The following AK8 variants were observed in gnomAD, a reference collection of about 807,000 sequenced individuals.
AK8 encodes the protein adenylate kinase 8, also known as ATP-AMP transphosphorylase 8.
AK8 carries 44 observed loss-of-function variants against 54.6 expected under a neutral mutation model. The ratio of observed to expected loss-of-function variants is 0.81; its 90% confidence interval spans 0.63 to 1.04. AK8 has a LOEUF of 1.04. Ranked by LOEUF, AK8 falls within the 50% of genes least tolerant of loss-of-function variation. The pLI is 0.00. For missense variants in AK8, 555 were observed against 613.6 expected (o/e 0.90, Z 1.01); for synonymous variants, 239 against 245.6 (o/e 0.97, Z 0.25).
intron 10 of AK8, among the ~76,000 whole-genome samples, chr9:132,813,445 G>A (rs992102823): frequency 1.3e-5 from 2 of 152,212 alleles, no homozygotes; most frequent in Non-Finnish European, 1.5e-5. Flanking sequence ...CTTCCACCAG[G>A]AGGATTCCTA....
At chr9:132,776,617 C>G (rs951838872) in intron 11 of AK8, among the ~76,000 whole-genome samples, 1 of 152,202 alleles carries the variant, frequency 6.6e-6, no homozygotes, top group African/African-American at 2.4e-5. Context: ...GGGGCCGCCA[C>G]GCTGCAGGAT....
intron 11 of AK8, among the ~76,000 whole-genome samples, chr9:132,765,538 G>A (rs922802103): frequency 1.3e-5 from 2 of 151,984 alleles, no homozygotes; most frequent in Admixed American, 6.6e-5. Context: ...CCAGCTACTC[G>A]GGAGGCTGAG....
chr9:132,733,356 C>T (rs1323895378), intron 11 of AK8, among the ~76,000 whole-genome samples: 1 of 152,218 alleles, frequency 6.6e-6, no homozygotes, highest in Non-Finnish European at 1.5e-5. Flanking sequence ...ACGGCAACAC[C>T]AAAACACGGC....
chr9:132,841,104 T>C (rs1842524222), intron 5 of AK8, among the ~76,000 whole-genome samples: 1 of 152,222 alleles, frequency 6.6e-6, no homozygotes, highest in African/African-American at 2.4e-5. Flanking sequence ...AGACAGCTGT[T>C]ACTTCAGAGC....
intron 9 of AK8, among the ~76,000 whole-genome samples, chr9:132,821,733 G>A (rs193259214): frequency 6.1e-5 from 8 of 131,350 alleles, no homozygotes; most frequent in Non-Finnish European, 1.2e-4. Context: ...ATACATATAT[G>A]TATATTTGTA....
At chr9:132,810,170 G>T (rs1341911531) in intron 10 of AK8, among the ~76,000 whole-genome samples, 1 of 152,216 alleles carries the variant, frequency 6.6e-6, no homozygotes, top group Non-Finnish European at 1.5e-5. Context: ...TATTGCTTCC[G>T]TTAGGGAGAT....
intron 9 of AK8, among the ~76,000 whole-genome samples, chr9:132,819,209 T>G (rs1229523271): frequency 6.6e-6 from 1 of 152,234 alleles, no homozygotes; most frequent in East Asian, 1.9e-4. Flanking sequence ...TGTAGTCTTT[T>G]TTCCTTGTCA....
upstream of AK8, chr9:132,878,569 C>T: frequency 1.8e-6 from 2 of 1,138,014 alleles, no homozygotes; most frequent in Non-Finnish European, 2.2e-6. The surrounding 1 kb of genome is among the most constrained non-coding windows in gnomAD (Gnocchi z 4.7). Flanking sequence ...GCAAGTCGGC[C>T]CTCCGAGGGG....
intron 11 of AK8, among the ~76,000 whole-genome samples, chr9:132,731,378 T>C (rs1836838130): frequency 6.6e-6 from 1 of 152,084 alleles, no homozygotes; most frequent in South Asian, 2.1e-4. Context: ...AGGATTCTTT[T>C]GGGCGTGTCT....
intron 11 of AK8, among the ~76,000 whole-genome samples, chr9:132,739,441 CAAAAAAAAAAAAAAAAAAA>C (rs768297504): frequency 0.012 from 378 of 31,150 alleles, 4 homozygotes; most frequent in African/African-American, 0.048. Flanking sequence ...GACTCTGTCT[CAAAAAAAAAAAAAAAAAAA>C]AAAAAAAAAA....
At chr9:132,794,945 GCA>G (rs1241958994) in intron 10 of AK8, among the ~76,000 whole-genome samples, 1 of 152,184 alleles carries the variant, frequency 6.6e-6, no homozygotes, top group African/African-American at 2.4e-5. Flanking sequence ...TACGATTCTG[GCA>G]CACAGCCGAC....
intron 11 of AK8, among the ~76,000 whole-genome samples, chr9:132,753,162 C>G (rs931235901): frequency 2.6e-5 from 4 of 152,210 alleles, no homozygotes; most frequent in African/African-American, 9.6e-5. Flanking sequence ...GGAGCCAGGC[C>G]ACTGTTGACC....
chr9:132,792,655 C>G lies in AK8; in HGVS notation c.1100G>C (p.Arg367Pro), dbSNP rs147022583. Reference protein sequence around the residue: ...RDLDQAHLLNRLGYNPNRVFF... With the variant: ...RDLDQAHLLNPLGYNPNRVFF... Reference sequence around the variant, plus strand: ...TCACCTGTTGGGATTGTAGCCCAGGCGGTTCAGCAGGTGTGCCTGGTCGAG... The same window carrying G: ...TCACCTGTTGGGATTGTAGCCCAGGGGGTTCAGCAGGTGTGCCTGGTCGAG... The change falls in exon 11 of 13, where the codon CGC (arginine) becomes CCC (proline). Residue 367 changes from arginine to proline, a missense_variant. Transcript: ENST00000298545. The G allele has an allele frequency of 2.6e-6, 4 of 1,554,044 alleles. No homozygotes were observed. The highest frequency in any genetic ancestry group is 3.5e-6 in the Non-Finnish European group (4 of 1,149,340).
At chr9:132,801,633 G>A (rs1840463158) in intron 10 of AK8, among the ~76,000 whole-genome samples, 2 of 152,298 alleles carry the variant, frequency 1.3e-5, no homozygotes, top group Middle Eastern at 3.4e-3. Flanking sequence ...CGAAATCTGG[G>A]AGAAGAAAGT....
At chr9:132,864,579 C>A (rs1241115899) in intron 3 of AK8, among the ~76,000 whole-genome samples, 1 of 152,198 alleles carries the variant, frequency 6.6e-6, no homozygotes, top group African/African-American at 2.4e-5. Context: ...ACCTCAATGA[C>A]AGCATTGGGA....
chr9:132,858,249 G>A (rs1034426152), intron 4 of AK8, among the ~76,000 whole-genome samples: 1 of 152,240 alleles, frequency 6.6e-6, no homozygotes, highest in African/African-American at 2.4e-5. Flanking sequence ...GGGTTTCCCG[G>A]CCTGGGGGCA....
intron 11 of AK8, among the ~76,000 whole-genome samples, chr9:132,728,927 C>T (rs1021707370): frequency 3.3e-5 from 5 of 150,780 alleles, no homozygotes; most frequent in African/African-American, 1.2e-4. Context: ...CTTTTAGAGG[C>T]AGGGTCTCAC....
chr9:132,796,855 T>C (rs1361561953), intron 10 of AK8, among the ~76,000 whole-genome samples: 2 of 150,826 alleles, frequency 1.3e-5, no homozygotes, highest in African/African-American at 4.9e-5. Context: ...TCACGCTCCA[T>C]GAATCGGACT....
intron 4 of AK8, among the ~76,000 whole-genome samples, chr9:132,856,538 C>T (rs951915971): frequency 7.9e-5 from 12 of 151,956 alleles, no homozygotes; most frequent in African/African-American, 2.4e-4. Context: ...GGTCTGGGTG[C>T]GCTCAAGTCC....
Sources: allele counts gnomAD v4.1 joint callset (sites outside exome capture counted in the v4.1 genomes callset), GRCh38; gene constraint gnomAD v4.1.1; non-coding constraint Gnocchi (gnomAD v3.1); transcripts MANE v1.5; gene names NCBI Gene and HGNC (gene_info 2026-07-23, HGNC 2026-07-21).